Variants in TYW1 observed in about 807,000 individuals in gnomAD.
TYW1 encodes the protein tRNA-yW synthesizing protein 1 homolog.
Under a neutral mutation model 96.2 loss-of-function variants are expected in TYW1, and 46 were observed. That is an observed-to-expected ratio of 0.48 (90% CI 0.38 to 0.61). The LOEUF is 0.61. Ranked by LOEUF, TYW1 falls within the 20% of genes least tolerant of loss-of-function variation. The pLI is 0.00. For missense variants in TYW1, 684 were observed against 909.6 expected, an observed-to-expected ratio of 0.75 and a Z score of 3.19; for synonymous variants, 274 against 323.0, an observed-to-expected ratio of 0.85 and a Z score of 1.63.
chr7:67,167,192 G>A (rs542700875), intron 13 of TYW1, among the ~76,000 whole-genome samples: 1 of 152,094 alleles, frequency 6.6e-6, no homozygotes, highest in Admixed American at 6.5e-5. Context: ...AGTCATGGCC[G>A]GGCGCGGCGG....
chr7:67,099,908 A>T (rs1797035584), intron 12 of TYW1, among the ~76,000 whole-genome samples: 2 of 152,164 alleles, frequency 1.3e-5, no homozygotes, highest in Non-Finnish European at 2.9e-5. Context: ...AGGCTGAGGC[A>T]GGAGAATCGC....
chr7:67,096,064 C>A (rs1425821619), intron 11 of TYW1, among the ~76,000 whole-genome samples: 2 of 152,192 alleles, frequency 1.3e-5, no homozygotes, highest in Non-Finnish European at 2.9e-5. Flanking sequence ...AAGGTACTTA[C>A]CATTCACAGG....
intron 13 of TYW1, among the ~76,000 whole-genome samples, chr7:67,166,203 T>G (rs1179926793): frequency 1.3e-5 from 2 of 150,438 alleles, no homozygotes; most frequent in Admixed American, 6.6e-5. Context: ...TACAGTGAGC[T>G]ATGATTGTGC....
At position 66,998,091 on chromosome 7, in the gene TYW1, T is replaced by C; in HGVS notation, c.31T>C (p.Phe11Leu). MDPSADTWDL[F>L]SPLISLWINR... The stretch of plus-strand genomic sequence containing the variant: ...TCCTTCTGCGGATACATGGGACCTC[T>C]TCTCACCTTTAATATCATTATGGAT... Residue 11 changes from phenylalanine (F) to leucine (L), a missense_variant, in exon 2 of 16, where the codon TTC becomes CTC. Coordinates refer to ENST00000359626, the MANE Select transcript of TYW1 (RefSeq NM_018264.4). The C allele has an allele frequency of 6.2e-7, 1 of 1,608,904 alleles. No homozygotes were observed. Among genetic ancestry groups the C allele is most frequent in the East Asian group, 2.2e-5 (1 of 44,812 alleles).
chr7:67,158,128 G>A (rs1287846014), intron 13 of TYW1, among the ~76,000 whole-genome samples: 4 of 135,770 alleles, frequency 2.9e-5, no homozygotes, highest in Non-Finnish European at 6.1e-5. Flanking sequence ...TTGCTGTGTC[G>A]CCTAGGCTGG....
chr7:67,017,758 A>G, intron 5 of TYW1, 95 bp from the exon 6 acceptor site: 2 of 1,502,772 alleles, frequency 1.3e-6, no homozygotes, highest in South Asian at 2.7e-5. Context: ...GCCCATGACC[A>G]GGGGCCTCGG....
chr7:67,064,172 T>A (rs1795788976), intron 9 of TYW1, among the ~76,000 whole-genome samples: 1 of 152,186 alleles, frequency 6.6e-6, no homozygotes, highest in African/African-American at 2.4e-5. Flanking sequence ...AAAATACCAA[T>A]AAGATTTTTG....
intron 13 of TYW1, among the ~76,000 whole-genome samples, chr7:67,158,976 T>G (rs989122478): frequency 1.4e-4 from 22 of 152,202 alleles, no homozygotes; most frequent in Admixed American, 3.9e-4. Flanking sequence ...GCCAAATTTT[T>G]GTTTTGTTGA....
At chr7:67,152,499 C>T (rs4083135) in intron 13 of TYW1, among the ~76,000 whole-genome samples, 39,236 of 151,942 alleles carry the variant, frequency 0.26, 5,541 homozygotes, top group African/African-American at 0.37. Context: ...TTGAGCATAT[C>T]ATTGTATCCT....
intron 4 of TYW1, among the ~76,000 whole-genome samples, chr7:67,012,645 T>G (rs954769874): frequency 1.9e-4 from 29 of 152,104 alleles, no homozygotes; most frequent in Non-Finnish European, 2.4e-4. Flanking sequence ...AACCGCAAAT[T>G]GGAAATGCTT....
At chr7:67,059,257 T>A (rs1319394201) in intron 9 of TYW1, among the ~76,000 whole-genome samples, 2 of 151,248 alleles carry the variant, frequency 1.3e-5, no homozygotes, top group Admixed American at 1.3e-4. Context: ...CCGCCACCAC[T>A]CCCGGCTAAT....
At chr7:67,009,839 A>G (rs1793730813) in intron 4 of TYW1, 155 bp downstream of exon 4, 2 of 721,186 alleles carry the variant, frequency 2.8e-6, no homozygotes, top group Non-Finnish European at 4.4e-6. Context: ...GAATCAGAGA[A>G]TTGAATGTGG....
chr7:67,043,386 A>G (rs1795090466), intron 7 of TYW1, among the ~76,000 whole-genome samples: 1 of 150,732 alleles, frequency 6.6e-6, no homozygotes, highest in Non-Finnish European at 1.5e-5. Flanking sequence ...CCTGCAGTAA[A>G]TAAATGTTGC....
At chr7:67,237,328 G>A (rs1299009636) in intron 15 of TYW1, among the ~76,000 whole-genome samples, 18 of 144,874 alleles carry the variant, frequency 1.2e-4, no homozygotes, top group African/African-American at 2.9e-4. Flanking sequence ...GTGAAACCCC[G>A]TCTCTACTAA....
Position 67,050,004 on chromosome 7 carries a change from A to C in TYW1, c.1040A>C (p.Asn347Thr). 1.2e-6 allele frequency: 2 copies of C among 1,614,132 alleles called. No homozygotes were observed. The highest frequency in any genetic ancestry group is 1.7e-6 in the Non-Finnish European group (2 of 1,180,014). ...KSGLFRNMGR[N>T]EDGERRAMIT... ...GGTTTGTTCAGGAACATGGGGAGGA[A>C]TGAAGATGGTGAAAGAAGAGCTATG... The change falls in exon 8 of 16, where the codon AAT becomes ACT. Residue 347 changes from asparagine (N) to threonine (T), a missense_variant. By Grantham distance (65) the Asn-to-Thr change is moderately conservative. Transcript: ENST00000359626.
intron 9 of TYW1, among the ~76,000 whole-genome samples, chr7:67,062,988 A>G (rs1795744837): frequency 6.6e-6 from 1 of 152,226 alleles, no homozygotes; most frequent in South Asian, 2.1e-4. Context: ...GACAAAGACA[A>G]TGCACTAAAA....
intron 15 of TYW1, among the ~76,000 whole-genome samples, chr7:67,209,359 C>T (rs1231642147): frequency 6.6e-6 from 1 of 152,188 alleles, no homozygotes; most frequent in Non-Finnish European, 1.5e-5. Flanking sequence ...TAAATGTAAC[C>T]TTGGTCCTAT....
chr7:67,149,553 C>T (rs1798724235), intron 13 of TYW1, among the ~76,000 whole-genome samples: 1 of 144,562 alleles, frequency 6.9e-6, no homozygotes, highest in Admixed American at 6.8e-5. Flanking sequence ...TGCACCTTCC[C>T]TTCCACACAC....
At chr7:67,026,752 A>G (rs1266286396) in intron 7 of TYW1, among the ~76,000 whole-genome samples, 1 of 151,860 alleles carries the variant, frequency 6.6e-6, no homozygotes, top group Non-Finnish European at 1.5e-5. Context: ...ATATTGAACC[A>G]TACCACAAGG....
Sources: allele counts gnomAD v4.1 joint callset (sites outside exome capture counted in the v4.1 genomes callset), GRCh38; gene constraint gnomAD v4.1.1; transcripts MANE v1.5; gene names NCBI Gene and HGNC (gene_info 2026-07-23, HGNC 2026-07-21).